FLRT1: variants seen among roughly 807,000 people sequenced by gnomAD.
The protein encoded by FLRT1 is fibronectin leucine rich transmembrane protein 1.
A neutral mutation model predicts 30.9 loss-of-function variants in FLRT1; 14 were observed. The ratio of observed to expected loss-of-function variants is 0.45; its 90% CI spans 0.30 to 0.71. The LOEUF is 0.71. FLRT1 is among the 30% of genes least tolerant of loss of function. FLRT1 has a pLI of 0.08. For synonymous variants in FLRT1, 368 were observed against 430.4 expected (o/e 0.85, Z 1.80); for missense variants, 737 against 949.2 (o/e 0.78, Z 2.94).
intron 1 of FLRT1, among the ~76,000 whole-genome samples, chr11:64,044,532 C>T (rs1193504834): frequency 2.0e-5 from 3 of 152,186 alleles, no homozygotes. Flanking sequence ...AGACACTGCG[C>T]CTGCTCTCCC....
chr11:64,083,470 G>A (rs1944338177), intron 1 of FLRT1, among the ~76,000 whole-genome samples: 1 of 152,142 alleles, frequency 6.6e-6, no homozygotes, highest in African/African-American at 2.4e-5. Context: ...AGAAGCAAAT[G>A]GCAGGATTTG....
intron 2 of FLRT1, among the ~76,000 whole-genome samples, chr11:64,110,054 G>A (rs1250747064): frequency 6.6e-6 from 1 of 152,126 alleles, no homozygotes; most frequent in Non-Finnish European, 1.5e-5. Flanking sequence ...TATAATGTCA[G>A]TGAATCCTGA....
intron 1 of FLRT1, among the ~76,000 whole-genome samples, chr11:64,087,407 C>G (rs888236036): frequency 1.3e-5 from 2 of 152,178 alleles, no homozygotes; most frequent in African/African-American, 4.8e-5. Flanking sequence ...GTCCCCAGCC[C>G]GAGGAGACTC....
rs1346160949 is a variant in FLRT1, at chr11:64,116,928, C to T, written c.661C>T (p.Leu221Phe). 6.2e-7 allele frequency: 1 copy of T among 1,611,492 alleles called. No individual in the cohort carries two copies. ...CATCCCGCTGCATGCCTTCAAGGGC[C>T]TCAACAGCCTGCGGCGCCTGGTGCT... is the stretch of plus-strand genomic sequence containing the variant. ...STIPLHAFKGLNSLRRLVLDG... is the reference protein window; with the variant it reads ...STIPLHAFKGFNSLRRLVLDG... Residue 221 changes from leucine to phenylalanine, a missense_variant, in exon 3 of 3, where the codon CTC becomes TTC. Coordinates refer to ENST00000682287, the MANE Select transcript of FLRT1 (RefSeq NM_013280.5).
intron 1 of FLRT1, among the ~76,000 whole-genome samples, chr11:64,042,149 C>T (rs916411297): frequency 2.0e-5 from 3 of 152,172 alleles, no homozygotes; most frequent in Non-Finnish European, 4.4e-5. Flanking sequence ...ACGCTCACAC[C>T]TCTGGTGGGC....
intron 2 of FLRT1, among the ~76,000 whole-genome samples, chr11:64,115,096 G>A (rs1264057145): frequency 2.0e-5 from 3 of 152,146 alleles, no homozygotes; most frequent in Non-Finnish European, 4.4e-5. Flanking sequence ...GGTTCCGAGA[G>A]GCCATCATGT....
intron 1 of FLRT1, among the ~76,000 whole-genome samples, chr11:64,098,210 CT>C (rs1469315111): frequency 2.6e-5 from 4 of 152,212 alleles, no homozygotes; most frequent in Admixed American, 6.5e-5. Context: ...AGCCTCCCCC[CT>C]GCCCTTGTAC....
intron 1 of FLRT1, among the ~76,000 whole-genome samples, chr11:64,083,253 T>C (rs1944334648): frequency 6.6e-6 from 1 of 152,118 alleles, no homozygotes; most frequent in Admixed American, 6.6e-5. Flanking sequence ...CTTGGCAACA[T>C]GGTGAAACCC....
intron 1 of FLRT1, among the ~76,000 whole-genome samples, chr11:64,074,412 G>T (rs1014553154): frequency 2.0e-5 from 3 of 152,188 alleles, no homozygotes; most frequent in Admixed American, 1.3e-4. Flanking sequence ...GAGCTCCAGG[G>T]GTGTGGTCCA....
At chr11:64,084,447 G>C (rs949057529) in intron 1 of FLRT1, among the ~76,000 whole-genome samples, 1 of 151,852 alleles carries the variant, frequency 6.6e-6, no homozygotes, top group Non-Finnish European at 1.5e-5. Context: ...GTGGGCAGGC[G>C]CTGTGGAGGC....
chr11:64,074,307 C>T (rs1042086257), intron 1 of FLRT1, among the ~76,000 whole-genome samples: 1 of 152,188 alleles, frequency 6.6e-6, no homozygotes. Flanking sequence ...TCCTAGCTGC[C>T]GAGCTCCTAT....
chr11:64,113,360 TGATG>T (rs1191481891), intron 2 of FLRT1, among the ~76,000 whole-genome samples: 9 of 152,194 alleles, frequency 5.9e-5, no homozygotes, highest in East Asian at 5.8e-4. Flanking sequence ...GTTGGATGCA[TGATG>T]GATGGATGGA....
chr11:64,047,127 G>A (rs906847697), intron 1 of FLRT1, among the ~76,000 whole-genome samples: 1 of 151,892 alleles, frequency 6.6e-6, no homozygotes, highest in African/African-American at 2.4e-5. Flanking sequence ...CCCCGACATT[G>A]GCTGCCTCAT....
intron 1 of FLRT1, among the ~76,000 whole-genome samples, chr11:64,048,839 G>A (rs1387204760): frequency 6.6e-6 from 1 of 152,202 alleles, no homozygotes. Context: ...ACCCGAGGTG[G>A]GCCAGGCACC....
chr11:64,052,802 G>A (rs991542817), intron 1 of FLRT1, among the ~76,000 whole-genome samples: 2 of 152,216 alleles, frequency 1.3e-5, no homozygotes, highest in African/African-American at 4.8e-5. Context: ...CATGGAAGCT[G>A]GTGGTCCAGG....
Position 64,067,699 on chromosome 11 carries a change from G to A in FLRT1, c.-1038+31540G>A, listed in dbSNP as rs1944030326. On this transcript the variant is annotated intron_variant, in intron 1 of 2. Transcript: ENST00000682287. This position sits in a 1 kb window ranked among gnomAD's most constrained non-coding sequence, Gnocchi z 4.6. ...GGTGCCTGGAGCTGCCCTGCCTGCA[G>A]TGATTGCGGACACGCCCCTCGCGAG... 6.6e-6 allele frequency among the ~76,000 whole-genome samples: 1 copy of A among 152,210 alleles called. No homozygotes were observed. The highest frequency in any genetic ancestry group is 2.4e-5 in the African/African-American group (1 of 41,450).
chr11:64,059,778 T>C (rs930585098), intron 1 of FLRT1, among the ~76,000 whole-genome samples: 39 of 152,174 alleles, frequency 2.6e-4, no homozygotes, highest in Non-Finnish European at 1.6e-4. Flanking sequence ...TTCCCTCTCC[T>C]GAGTTTCTCA....
chr11:64,111,756 C>T (rs1483643613), intron 2 of FLRT1, among the ~76,000 whole-genome samples: 2 of 152,238 alleles, frequency 1.3e-5, no homozygotes, highest in African/African-American at 4.8e-5. Flanking sequence ...GTCCTGGCTT[C>T]AAGCCCGTCC....
chr11:64,077,123 G>A (rs1409023281), intron 1 of FLRT1, among the ~76,000 whole-genome samples: 3 of 152,122 alleles, frequency 2.0e-5, no homozygotes, highest in African/African-American at 2.4e-5. Context: ...GTCCAGCCTC[G>A]GGTAGGCCTG....
Sources: gnomAD v4.1 joint callset for allele counts (sites outside exome capture counted in the v4.1 genomes callset) on GRCh38, gnomAD v4.1.1 for gene constraint, Gnocchi (gnomAD v3.1) non-coding constraint, MANE v1.5 for transcripts, NCBI Gene and HGNC (gene_info 2026-07-23, HGNC 2026-07-21) for gene names.